KCNQ3: variants seen among roughly 807,000 people sequenced by gnomAD.
The protein encoded by KCNQ3 is potassium voltage-gated channel subfamily Q member 3.
Under a neutral mutation model 92.5 loss-of-function variants are expected in KCNQ3, and 30 were observed. The observed-to-expected ratio is 0.32, with a 90% confidence interval of 0.24 to 0.44. The LOEUF (loss-of-function observed/expected upper bound fraction) is 0.44, where lower values mean the gene tolerates loss of function less well. Ranked by LOEUF, KCNQ3 falls within the 20% of genes least tolerant of loss-of-function variation. The probability of loss-of-function intolerance (pLI) is 1.00; values close to 1 mark genes in which losing one functional copy is unlikely to be tolerated. For synonymous variants in KCNQ3, 450 were observed against 468.8 expected, an observed-to-expected ratio of 0.96 and a Z score of 0.52; for missense variants, 913 against 1,140.3, an observed-to-expected ratio of 0.80 and a Z score of 2.87.
chr8:132,279,203 G>C (rs1297629546), intron 1 of KCNQ3, among the ~76,000 whole-genome samples: 1 of 152,150 alleles, frequency 6.6e-6, no homozygotes, highest in Admixed American at 6.5e-5. Context: ...GGGTGACAGA[G>C]CCAGATTCCA....
intron 1 of KCNQ3, among the ~76,000 whole-genome samples, chr8:132,436,829 C>T (rs1430468437): frequency 6.6e-6 from 1 of 152,152 alleles, no homozygotes; most frequent in Non-Finnish European, 1.5e-5. Context: ...GCTCAGTCCT[C>T]AGAAGGTAGG....
chr8:132,338,138 G>A (rs1317539825), intron 1 of KCNQ3, among the ~76,000 whole-genome samples: 2 of 152,116 alleles, frequency 1.3e-5, no homozygotes, highest in Admixed American at 1.3e-4. Flanking sequence ...GAGTATACTG[G>A]GAAGCACTTT....
intron 1 of KCNQ3, among the ~76,000 whole-genome samples, chr8:132,282,523 A>C (rs529583383): frequency 6.6e-6 from 1 of 152,172 alleles, no homozygotes; most frequent in East Asian, 1.9e-4. Context: ...TTCTTCCCAC[A>C]GTGCTTATCC....
chr8:132,453,621 C>T (rs1821874033), intron 1 of KCNQ3, among the ~76,000 whole-genome samples: 1 of 152,162 alleles, frequency 6.6e-6, no homozygotes, highest in South Asian at 2.1e-4. Context: ...CCCTCCAAAC[C>T]CTCCAACTCT....
intron 1 of KCNQ3, among the ~76,000 whole-genome samples, chr8:132,314,081 T>C (rs985223871): frequency 6.6e-6 from 1 of 152,154 alleles, no homozygotes; most frequent in African/African-American, 2.4e-5. Flanking sequence ...GCAAATCAAC[T>C]GAAAATTGAA....
intron 9 of KCNQ3, among the ~76,000 whole-genome samples, chr8:132,156,892 A>T (rs1284088138): frequency 6.6e-6 from 1 of 151,992 alleles, no homozygotes; most frequent in East Asian, 1.9e-4. Context: ...TGGGACACAG[A>T]CACACTCAGA....
chr8:132,258,144 C>G (rs1390189301), intron 1 of KCNQ3, among the ~76,000 whole-genome samples: 1 of 152,108 alleles, frequency 6.6e-6, no homozygotes, highest in Non-Finnish European at 1.5e-5. Context: ...ACTTATACAA[C>G]AGTATAGTTA....
At chr8:132,145,778 G>T (rs1394252264) in intron 9 of KCNQ3, among the ~76,000 whole-genome samples, 1 of 152,234 alleles carries the variant, frequency 6.6e-6, no homozygotes, top group African/African-American at 2.4e-5. Context: ...GGTGGCTCAG[G>T]AAGGCATCTT....
At chr8:132,241,065 T>C (rs1344190484) in intron 1 of KCNQ3, among the ~76,000 whole-genome samples, 1 of 150,890 alleles carries the variant, frequency 6.6e-6, no homozygotes, top group South Asian at 2.1e-4. Context: ...ATTTTTGTAT[T>C]TTTAGTAGAG....
At chr8:132,226,890 C>T (rs542212983) in intron 1 of KCNQ3, among the ~76,000 whole-genome samples, 1 of 152,204 alleles carries the variant, frequency 6.6e-6, no homozygotes, top group Admixed American at 6.5e-5. Context: ...AATATCACAT[C>T]CATTATCCTG....
intron 1 of KCNQ3, among the ~76,000 whole-genome samples, chr8:132,424,732 C>T (rs930525968): frequency 1.3e-5 from 2 of 152,198 alleles, no homozygotes; most frequent in Non-Finnish European, 2.9e-5. Context: ...TAGAGGAGAG[C>T]CCTTTCTTGC....
At chr8:132,319,823 G>A (rs1343957285) in intron 1 of KCNQ3, among the ~76,000 whole-genome samples, 1 of 152,142 alleles carries the variant, frequency 6.6e-6, no homozygotes, top group Non-Finnish European at 1.5e-5. Context: ...CAGGGACATG[G>A]GGCCTGAAGC....
intron 1 of KCNQ3, among the ~76,000 whole-genome samples, chr8:132,401,783 G>C (rs1184663765): frequency 6.6e-6 from 1 of 152,216 alleles, no homozygotes; most frequent in Non-Finnish European, 1.5e-5. Flanking sequence ...AGTCAGTGCT[G>C]ATGCAAAACG....
intron 1 of KCNQ3, among the ~76,000 whole-genome samples, chr8:132,429,306 C>A (rs975266043): frequency 9.9e-5 from 15 of 152,124 alleles, no homozygotes; most frequent in Admixed American, 9.2e-4. Context: ...TACATGTGCA[C>A]TGAATGAATC....
intron 1 of KCNQ3, among the ~76,000 whole-genome samples, chr8:132,470,418 T>C (rs1822271931): frequency 6.6e-6 from 1 of 152,260 alleles, no homozygotes; most frequent in South Asian, 2.1e-4. Flanking sequence ...GTTTGCCACA[T>C]TTTCTTTTTC....
chr8:132,479,370 C>T (rs1485041622), intron 1 of KCNQ3, among the ~76,000 whole-genome samples: 1 of 152,148 alleles, frequency 6.6e-6, no homozygotes, highest in African/African-American at 2.4e-5. Flanking sequence ...GCAGGAGAAG[C>T]AGCAGCGACT....
chr8:132,139,929 A>C, intron 11 of KCNQ3, 147 bp downstream of exon 11: 1 of 617,538 alleles, frequency 1.6e-6, no homozygotes. Flanking sequence ...CAGTATTTAC[A>C]TACTTCAGGG....
intron 1 of KCNQ3, among the ~76,000 whole-genome samples, chr8:132,217,743 A>G (rs1483229669): frequency 6.9e-6 from 1 of 144,820 alleles, no homozygotes; most frequent in Non-Finnish European, 1.5e-5. Context: ...AAACACTGGG[A>G]GTCTGAACTA....
At chr8:132,391,070 C>T (rs1820036214) in intron 1 of KCNQ3, among the ~76,000 whole-genome samples, 1 of 152,110 alleles carries the variant, frequency 6.6e-6, no homozygotes, top group African/African-American at 2.4e-5. Context: ...TGGATATTAC[C>T]ACTTGGAATA....
Sources: gnomAD v4.1 joint callset for allele counts (sites outside exome capture counted in the v4.1 genomes callset) on GRCh38, gnomAD v4.1.1 for gene constraint, MANE v1.5 for transcripts, NCBI Gene and HGNC (gene_info 2026-07-23, HGNC 2026-07-21) for gene names.